Variants in ANKHD1 observed in about 807,000 individuals in gnomAD.
The protein encoded by ANKHD1 is ankyrin repeat and KH domain containing 1.
A neutral mutation model predicts 230.5 loss-of-function variants in ANKHD1; 31 were observed. That is an observed-to-expected ratio of 0.13 (90% CI 0.10 to 0.18). The LOEUF is 0.18. Among genes scored for constraint, ANKHD1 ranks in the 10% least tolerant of loss-of-function variants. The probability of loss-of-function intolerance (pLI) is 1.00; values close to 1 mark genes in which losing one functional copy is unlikely to be tolerated. For missense variants in ANKHD1, 2,256 were observed against 3,071.3 expected (o/e 0.73, Z 6.27); for synonymous variants, 1,074 against 1,117.6 (o/e 0.96, Z 0.78).
intron 1 of ANKHD1, among the ~76,000 whole-genome samples, chr5:140,413,524 G>A (rs1414714411): frequency 6.6e-6 from 1 of 151,990 alleles, no homozygotes; most frequent in Non-Finnish European, 1.5e-5. Context: ...CCAACCCCTA[G>A]CAACTACCAT....
chr5:140,444,089 C>T lies in ANKHD1; in HGVS notation c.914-1653C>T, dbSNP rs533449521. Among the ~76,000 whole-genome samples the T allele has an allele frequency of 5.5e-4, 77 of 140,334 alleles. 2 individuals carry two copies. The highest frequency in any genetic ancestry group is 1.9e-3 in the African/African-American group (74 of 38,508). The allele number at this position is 140,334 out of a possible 152,430, so 92.1% of individuals were successfully genotyped here. ...TTGGTTGAGATGAAGTCCCCCCCCC[C>T]CTTTTTTTTTTTTTTAGCTGAAATA... is the stretch of plus-strand genomic sequence containing the variant. On this transcript the variant is annotated intron_variant, in intron 5 of 33. Coordinates refer to ENST00000360839, the MANE Select transcript of ANKHD1 (RefSeq NM_017747.3).
chr5:140,465,899 A>G (rs1776049095), intron 10 of ANKHD1, among the ~76,000 whole-genome samples: 1 of 152,106 alleles, frequency 6.6e-6, no homozygotes, highest in Admixed American at 6.6e-5. Flanking sequence ...TTTTCCTTTT[A>G]TAGAGTTGCT....
chr5:140,536,933 A>G (rs1321894616), intron 30 of ANKHD1: 2 of 152,718 alleles, frequency 1.3e-5, no homozygotes, highest in African/African-American at 4.8e-5. Context: ...AGGCAGGAGA[A>G]TCGCTTGAAC....
In ANKHD1 at chr5:140,497,269, C is replaced by T. The variant is rs1752074010; in HGVS notation, c.2995C>T (p.Leu999=). 1.2e-6 allele frequency: 2 copies of T among 1,601,092 alleles called. No individual in the cohort carries two copies. Among genetic ancestry groups the T allele is most frequent in the Non-Finnish European group, 1.7e-6 (2 of 1,178,560 alleles). ...GACGCTTACCGACACTCTTGATGAC[C>T]TGATAGCAGGTGGGTTAAGAAATAT... is the stretch of plus-strand genomic sequence containing the variant. ...AQTLTDTLDD[L]IAAVSTRVPT... The change falls in exon 15 of 34, where the codon CTG becomes TTG. Residue 999 remains leucine (L), a synonymous_variant. Transcript: ENST00000360839.
At position 140,528,865 on chromosome 5, in the gene ANKHD1, A is replaced by G. The variant is rs749780175; in HGVS notation, c.5919A>G (p.Ala1973=). The change falls in exon 29 of 34, where the codon GCA becomes GCG. Residue 1973 remains alanine (A), a synonymous_variant. Transcript: ENST00000360839. ...GTGTGCCTAAGACAAGTCCTCCAGC[A>G]ACAGTGATTTCTTCTGTGACAAGCA... ...FACVPKTSPP[A]TVISSVTSTC... The G allele has an allele frequency of 1.7e-5, 27 of 1,614,022 alleles. No individual in the cohort carries two copies. The highest frequency in any genetic ancestry group is 2.3e-5 in the Non-Finnish European group (27 of 1,180,056).
At chr5:140,481,807 A>G (rs905946384) in intron 10 of ANKHD1, among the ~76,000 whole-genome samples, 2 of 152,022 alleles carry the variant, frequency 1.3e-5, no homozygotes, top group Non-Finnish European at 2.9e-5. Flanking sequence ...ATAATGAAAG[A>G]GGGGATAGGT....
intron 15 of ANKHD1, among the ~76,000 whole-genome samples, chr5:140,503,553 C>CTTTT (rs70988767): frequency 0.042 from 2,153 of 51,544 alleles, 82 homozygotes; most frequent in Middle Eastern, 0.079. Flanking sequence ...AGTTTTCTTT[C>CTTTT]TTTTTTTTTT....
rs552524790 is a variant in ANKHD1, at chr5:140,462,557, T to C, written c.1673-2110T>C. Among the ~76,000 whole-genome samples the C allele has an allele frequency of 2.6e-3, 395 of 151,746 alleles. 1 individual carries two copies. The highest frequency in any genetic ancestry group is 0.014 in the Middle Eastern group (4 of 294). On this transcript the variant is annotated intron_variant, in intron 9 of 33. Coordinates refer to ENST00000360839, the MANE Select transcript of ANKHD1 (RefSeq NM_017747.3). ...GGCTAACACCGTGAAACCCCATCTC[T>C]ACTAAAAAATACAAAAAATTAGCCA...
chr5:140,517,483 A>G (rs1172861130), intron 24 of ANKHD1, among the ~76,000 whole-genome samples: 131 of 148,944 alleles, frequency 8.8e-4, no homozygotes, highest in Non-Finnish European at 7.6e-4. Flanking sequence ...TCAACAGAAT[A>G]TACATTTTTT....
chr5:140,477,946 G>T (rs1751058014), intron 10 of ANKHD1, among the ~76,000 whole-genome samples: 1 of 152,102 alleles, frequency 6.6e-6, no homozygotes, highest in Non-Finnish European at 1.5e-5. Flanking sequence ...GGGTTAAGAG[G>T]CAATACAGTA....
At chr5:140,427,155 C>A (rs559737719) in intron 1 of ANKHD1, among the ~76,000 whole-genome samples, 1 of 149,382 alleles carries the variant, frequency 6.7e-6, no homozygotes, top group Admixed American at 6.6e-5. Context: ...GCTGACCCCC[C>A]CCACCTCCCT....
In ANKHD1 at chr5:140,490,262, C is replaced by T. The variant is rs967497704; in HGVS notation, c.2245+3202C>T. Among the ~76,000 whole-genome samples the T allele has an allele frequency of 7.9e-5, 12 of 152,262 alleles. 1 individual carries two copies. The highest frequency in any genetic ancestry group is 2.9e-4 in the African/African-American group (12 of 41,564). On this transcript the variant is annotated intron_variant, in intron 14 of 33. Coordinates refer to ENST00000360839, the MANE Select transcript of ANKHD1 (RefSeq NM_017747.3). ...CTTTTCAGGTTCTTATAACATTTTA[C>T]TCCTGTCTGTTTTTAGTAAATCTTT...
intron 16 of ANKHD1, 30 bp from the exon 17 acceptor site, chr5:140,505,092 A>G (rs749048138): frequency 1.2e-6 from 2 of 1,604,722 alleles, no homozygotes; most frequent in African/African-American, 2.7e-5. Context: ...CTGTTAAAAA[A>G]AATTTTAACT....
intron 1 of ANKHD1, among the ~76,000 whole-genome samples, chr5:140,409,338 A>G (rs1211399403): frequency 6.6e-6 from 1 of 152,094 alleles, no homozygotes; most frequent in African/African-American, 2.4e-5. Flanking sequence ...AAAATATATT[A>G]TTTTTCAAAA....
At chr5:140,440,346 A>G in intron 4 of ANKHD1, 80 bp downstream of exon 4, 3 of 1,476,758 alleles carry the variant, frequency 2.0e-6, no homozygotes, top group Non-Finnish European at 2.7e-6. Context: ...TATAAGATAG[A>G]TTATAATTAG....
At chr5:140,427,963 G>A (rs537771235) in intron 1 of ANKHD1, among the ~76,000 whole-genome samples, 1 of 151,754 alleles carries the variant, frequency 6.6e-6, no homozygotes, top group South Asian at 2.1e-4. Flanking sequence ...CTCAGACGGG[G>A]CGGCCAGGCA....
At chr5:140,492,645 T>G (rs1581333529) in intron 14 of ANKHD1, among the ~76,000 whole-genome samples, 1 of 152,312 alleles carries the variant, frequency 6.6e-6, no homozygotes, top group Admixed American at 6.5e-5. Flanking sequence ...TTGGGAATGC[T>G]GTTTAAAAAT....
chr5:140,524,977 G>A (rs1006360571), intron 25 of ANKHD1: 2 of 326,476 alleles, frequency 6.1e-6, no homozygotes, highest in East Asian at 1.1e-4. Context: ...TGGGATTACA[G>A]GCGTGGTGGC....
Position 140,445,916 on chromosome 5 carries a change from G to T in ANKHD1, c.1088G>T (p.Gly363Val). The change falls in exon 6 of 34, where the codon GGC becomes GTC. Residue 363 changes from glycine (G) to valine (V), a missense_variant. Physicochemically the swap from Gly to Val is moderately radical, Grantham distance 109. Transcript: ENST00000360839. Reference protein sequence around the residue: ...VARVLLDHGAGINTHSNEFKE... With the variant: ...VARVLLDHGAVINTHSNEFKE... ...AGAGTTCTTTTAGATCATGGTGCAG[G>T]CATCAACACTCATTCTAATGAATTC... 1.9e-6 allele frequency: 3 copies of T among 1,611,714 alleles called. No homozygotes were observed. The highest frequency in any genetic ancestry group is 2.5e-6 in the Non-Finnish European group (3 of 1,178,520).
Sources: allele counts gnomAD v4.1 joint callset (sites outside exome capture counted in the v4.1 genomes callset), GRCh38; gene constraint gnomAD v4.1.1; transcripts MANE v1.5; gene names NCBI Gene and HGNC (gene_info 2026-07-23, HGNC 2026-07-21).